SLC39A10: variants seen among roughly 807,000 people sequenced by gnomAD.
SLC39A10 encodes solute carrier family 39 member 10.
Under a neutral mutation model 65.1 loss-of-function variants are expected in SLC39A10, and 13 were observed. That is an observed-to-expected ratio of 0.20 (90% CI 0.13 to 0.32). SLC39A10 has a LOEUF of 0.32. Among genes scored for constraint, SLC39A10 ranks in the 10% least tolerant of loss-of-function variants. The probability of loss-of-function intolerance (pLI) is 1.00; values close to 1 mark genes in which losing one functional copy is unlikely to be tolerated. For missense variants in SLC39A10, 831 were observed against 1,018.4 expected, an observed-to-expected ratio of 0.82 and a Z score of 2.50; for synonymous variants, 321 against 342.2, an observed-to-expected ratio of 0.94 and a Z score of 0.68.
chr2:195,720,607 C>T (rs1033785908), intron 8 of SLC39A10, among the ~76,000 whole-genome samples: 4 of 152,280 alleles, frequency 2.6e-5, no homozygotes, highest in Non-Finnish European at 4.4e-5. Flanking sequence ...ATATAAATTT[C>T]TTGAAAAATC....
At chr2:195,712,488 C>G (rs1574301626) in intron 5 of SLC39A10, among the ~76,000 whole-genome samples, 1 of 152,222 alleles carries the variant, frequency 6.6e-6, no homozygotes, top group East Asian at 1.9e-4. Flanking sequence ...ACTTAAACAT[C>G]TGAAACATAG....
At chr2:195,676,451 T>A (rs912828085) in intron 1 of SLC39A10, among the ~76,000 whole-genome samples, 1 of 152,146 alleles carries the variant, frequency 6.6e-6, no homozygotes, top group Non-Finnish European at 1.5e-5. Flanking sequence ...GTGCTTTGTG[T>A]CTTGCCTAAA....
At chr2:195,638,595 C>G (rs537098079) in intron 2 of SLC39A10, among the ~76,000 whole-genome samples, 56 of 152,172 alleles carry the variant, frequency 3.7e-4, no homozygotes, top group Middle Eastern at 3.4e-3. Flanking sequence ...CCACCCACCT[C>G]GGCCTCCCAA....
At chr2:195,662,764 G>C (rs1689456891) in intron 1 of SLC39A10, among the ~76,000 whole-genome samples, 1 of 152,108 alleles carries the variant, frequency 6.6e-6, no homozygotes, top group Non-Finnish European at 1.5e-5. Context: ...ATTTGGATCA[G>C]CAAACTATGG....
intron 2 of SLC39A10, among the ~76,000 whole-genome samples, chr2:195,617,354 A>G (rs2105682400): frequency 6.6e-6 from 1 of 151,678 alleles, no homozygotes; most frequent in Middle Eastern, 3.4e-3. Flanking sequence ...CAAGGTCAGG[A>G]CTTTGAGGCC....
At chr2:195,697,318 G>A (rs1691004105) in intron 3 of SLC39A10, among the ~76,000 whole-genome samples, 1 of 152,148 alleles carries the variant, frequency 6.6e-6, no homozygotes, top group Non-Finnish European at 1.5e-5. Context: ...ACTAATTTCT[G>A]CAGATACCAA....
intron 2 of SLC39A10, 82 bp downstream of exon 2, chr2:195,681,132 T>A: frequency 7.5e-7 from 1 of 1,332,734 alleles, no homozygotes; most frequent in Non-Finnish European, 1.0e-6. Flanking sequence ...TAAGTAACAG[T>A]GGAGTATTAA....
intron 2 of SLC39A10, among the ~76,000 whole-genome samples, chr2:195,646,780 C>T (rs1045838333): frequency 2.6e-5 from 4 of 152,224 alleles, no homozygotes; most frequent in African/African-American, 9.6e-5. Flanking sequence ...CTCATGGGAG[C>T]ACGAACCCTA....
intron 8 of SLC39A10, among the ~76,000 whole-genome samples, chr2:195,723,737 C>T (rs1310664933): frequency 8.6e-6 from 1 of 116,114 alleles, no homozygotes; most frequent in Non-Finnish European, 2.0e-5. Context: ...AAGGAAATAA[C>T]ATTTTGATTA....
In SLC39A10 at chr2:195,666,625, AT is replaced by A. The variant is rs1689647610; in HGVS notation, c.-12+9349del. ...AGGCATGGGCTACCACACCTGGCTAATTTTTAAAACATTTTCTGTAGAGATG... is the reference window on the plus strand; with the variant it reads ...AGGCATGGGCTACCACACCTGGCTAATTTTAAAACATTTTCTGTAGAGATG... On this transcript the variant is annotated intron_variant, in intron 1 of 9. Transcript: ENST00000359634. Among the ~76,000 whole-genome samples the A allele has an allele frequency of 2.6e-5, 4 of 152,230 alleles. No individual in the cohort carries two copies. In the South Asian group the frequency reaches 8.3e-4, roughly 32 times the overall value.
intron 5 of SLC39A10, among the ~76,000 whole-genome samples, chr2:195,711,811 T>C (rs557915337): frequency 2.0e-4 from 30 of 152,336 alleles, no homozygotes; most frequent in African/African-American, 7.2e-4. Context: ...GTTTTCATTT[T>C]CTTTAATTTC....
chr2:195,723,185 C>T (rs1692111861), intron 8 of SLC39A10, among the ~76,000 whole-genome samples: 1 of 152,148 alleles, frequency 6.6e-6, no homozygotes, highest in East Asian at 1.9e-4. Context: ...ATAGCAAACT[C>T]ACATCTCATT....
intron 2 of SLC39A10, among the ~76,000 whole-genome samples, chr2:195,617,041 T>G (rs1254473791): frequency 6.6e-6 from 1 of 152,202 alleles, no homozygotes; most frequent in Non-Finnish European, 1.5e-5. Context: ...TACCAATATT[T>G]TACATTATGA....
intron 2 of SLC39A10, among the ~76,000 whole-genome samples, chr2:195,620,004 C>CCT (rs1180905566): frequency 3.9e-5 from 6 of 152,138 alleles, no homozygotes; most frequent in African/African-American, 1.4e-4. Flanking sequence ...CTCACTGAAA[C>CCT]CTCTGCCTCC....
At chr2:195,639,615 G>A (rs1418118983) in intron 2 of SLC39A10, among the ~76,000 whole-genome samples, 1 of 151,808 alleles carries the variant, frequency 6.6e-6, no homozygotes. Flanking sequence ...ATGGAGTTTC[G>A]CTTTGTCACC....
intron 2 of SLC39A10, among the ~76,000 whole-genome samples, chr2:195,621,641 G>A (rs1340770668): frequency 6.6e-6 from 1 of 152,170 alleles, no homozygotes; most frequent in African/African-American, 2.4e-5. Context: ...GTAGAATTAG[G>A]GAGAAAAGGT....
At chr2:195,660,946 ATT>A (rs1217462407) in intron 1 of SLC39A10, among the ~76,000 whole-genome samples, 1 of 151,944 alleles carries the variant, frequency 6.6e-6, no homozygotes, top group Non-Finnish European at 1.5e-5. Context: ...ATTCGAATTT[ATT>A]TTCTATGACT....
chr2:195,688,276 A>G (rs1404458341), intron 3 of SLC39A10, among the ~76,000 whole-genome samples: 2 of 152,200 alleles, frequency 1.3e-5, no homozygotes, highest in African/African-American at 4.8e-5. Context: ...AAGCACAACA[A>G]TTTGGTTAGA....
At chr2:195,702,590 C>T (rs1317184585) in intron 3 of SLC39A10, among the ~76,000 whole-genome samples, 4 of 152,190 alleles carry the variant, frequency 2.6e-5, no homozygotes, top group Non-Finnish European at 5.9e-5. Flanking sequence ...CAGAATCCTC[C>T]TCTTTTAACC....
Sources: gnomAD v4.1 joint callset for allele counts (sites outside exome capture counted in the v4.1 genomes callset) on GRCh38, gnomAD v4.1.1 for gene constraint, MANE v1.5 for transcripts, NCBI Gene and HGNC (gene_info 2026-07-23, HGNC 2026-07-21) for gene names.